The following SRPK2 variants were observed in gnomAD, a reference collection of about 807,000 sequenced individuals.
SRPK2 encodes SRSF protein kinase 2, also known as SFRS protein kinase 2.
Under a neutral mutation model 90.8 loss-of-function variants are expected in SRPK2, and 21 were observed. The observed-to-expected ratio is 0.23, with a 90% CI of 0.16 to 0.33. SRPK2 has a LOEUF of 0.33. SRPK2 is among the 10% of genes least tolerant of loss of function. SRPK2 has a pLI of 1.00. For synonymous variants in SRPK2, 288 were observed against 311.1 expected (o/e 0.93, Z 0.78); for missense variants, 620 against 869.0 (o/e 0.71, Z 3.60).
chr7:105,124,030 T>C (rs1392132490), intron 15 of SRPK2, among the ~76,000 whole-genome samples: 1 of 152,228 alleles, frequency 6.6e-6, no homozygotes, highest in African/African-American at 2.4e-5. Flanking sequence ...ATGATGGCAG[T>C]AACCTGGAGA....
intron 2 of SRPK2, among the ~76,000 whole-genome samples, chr7:105,228,424 C>G (rs1162159482): frequency 6.6e-6 from 1 of 152,184 alleles, no homozygotes; most frequent in African/African-American, 2.4e-5. Context: ...ATTCCAATTT[C>G]TGGATACTAA....
intron 3 of SRPK2, among the ~76,000 whole-genome samples, chr7:105,194,656 T>C (rs150284105): frequency 9.2e-4 from 140 of 152,332 alleles, no homozygotes; most frequent in African/African-American, 3.2e-3. Context: ...TTCAATATTA[T>C]TAAGGCGTAT....
intron 2 of SRPK2, among the ~76,000 whole-genome samples, chr7:105,274,033 T>C (rs1323908889): frequency 6.6e-6 from 1 of 152,230 alleles, no homozygotes; most frequent in African/African-American, 2.4e-5. Flanking sequence ...ATTCTTCATC[T>C]TCTCCAGAAG....
intron 2 of SRPK2, among the ~76,000 whole-genome samples, chr7:105,286,350 T>G (rs1354938750): frequency 6.6e-6 from 1 of 152,232 alleles, no homozygotes; most frequent in Non-Finnish European, 1.5e-5. Flanking sequence ...TCTGCTAATC[T>G]TAAAACAATT....
rs923491292 is a variant in SRPK2 at position 105,121,700 on chromosome 7, T to C, written c.1916-3678A>G. ...ACAGGAAGCAGGCTCTGAGGAAGGG[T>C]TCCTCCTGCAGAGTAAAGGCTTTGT... On this transcript the variant is annotated intron_variant, in intron 15 of 15. Transcript: ENST00000393651. Among the ~76,000 whole-genome samples, 9 of 152,140 alleles carry C rather than the reference T, an allele frequency of 5.9e-5. No homozygotes were observed. The South Asian group carries it at 1.9e-3, about 32-fold the overall frequency.
intron 2 of SRPK2, among the ~76,000 whole-genome samples, chr7:105,209,018 T>A (rs1386603148): frequency 6.6e-6 from 1 of 152,076 alleles, no homozygotes; most frequent in Non-Finnish European, 1.5e-5. Context: ...TATAGATATT[T>A]TAAATATCCA....
chr7:105,209,650 G>C (rs371362782), intron 2 of SRPK2, among the ~76,000 whole-genome samples: 1 of 150,876 alleles, frequency 6.6e-6, no homozygotes, highest in African/African-American at 2.4e-5. Flanking sequence ...GGACAATGGA[G>C]AAAGGGGAAA....
At chr7:105,239,880 T>G (rs554075389) in intron 2 of SRPK2, among the ~76,000 whole-genome samples, 2 of 152,194 alleles carry the variant, frequency 1.3e-5, no homozygotes, top group Non-Finnish European at 2.9e-5. Context: ...AGAAACTACT[T>G]ACCTACAGGC....
intron 7 of SRPK2, 183 bp downstream of exon 7, chr7:105,160,324 C>A: frequency 2.6e-6 from 1 of 391,298 alleles, no homozygotes; most frequent in Non-Finnish European, 4.6e-6. Context: ...CACAAAATAT[C>A]ATTAAATACT....
chr7:105,299,888 C>T (rs1810317529), intron 2 of SRPK2, among the ~76,000 whole-genome samples: 1 of 150,956 alleles, frequency 6.6e-6, no homozygotes, highest in Admixed American at 6.6e-5. Context: ...AGAGAGACTC[C>T]ATCTCAAAAA....
intron 2 of SRPK2, among the ~76,000 whole-genome samples, chr7:105,242,758 C>T (rs1800986001): frequency 6.6e-6 from 1 of 152,154 alleles, no homozygotes; most frequent in Admixed American, 6.5e-5. Context: ...GGGGCCCAGA[C>T]TGATCCAAAA....
intron 2 of SRPK2, among the ~76,000 whole-genome samples, chr7:105,235,564 T>C (rs1475933603): frequency 1.3e-5 from 2 of 152,228 alleles, no homozygotes; most frequent in Non-Finnish European, 2.9e-5. Flanking sequence ...TTCTCGTTCA[T>C]GTCAGTTAGC....
At chr7:105,360,374 A>G (rs1399862289) in intron 2 of SRPK2, among the ~76,000 whole-genome samples, 1 of 152,128 alleles carries the variant, frequency 6.6e-6, no homozygotes, top group Non-Finnish European at 1.5e-5. Flanking sequence ...CATTTAGCCC[A>G]TTTACATTTA....
At chr7:105,125,024 G>A (rs1450781385) in intron 15 of SRPK2, among the ~76,000 whole-genome samples, 2 of 151,534 alleles carry the variant, frequency 1.3e-5, no homozygotes, top group East Asian at 3.9e-4. Flanking sequence ...CAGCTACATG[G>A]GAGGCTGCGG....
intron 2 of SRPK2, among the ~76,000 whole-genome samples, chr7:105,271,756 CT>C (rs949658595): frequency 6.6e-6 from 1 of 152,224 alleles, no homozygotes; most frequent in Non-Finnish European, 1.5e-5. Flanking sequence ...AGGACACTTT[CT>C]TACACACACC....
intron 3 of SRPK2, among the ~76,000 whole-genome samples, chr7:105,184,313 A>G (rs1353571326): frequency 1.3e-5 from 2 of 152,102 alleles, no homozygotes; most frequent in Non-Finnish European, 2.9e-5. Context: ...TCTTACATAC[A>G]TAATGCCAGA....
At chr7:105,233,116 GA>G (rs1264133793) in intron 2 of SRPK2, among the ~76,000 whole-genome samples, 1 of 145,578 alleles carries the variant, frequency 6.9e-6, no homozygotes. Flanking sequence ...AGGAAGGAAG[GA>G]AGGAAGGAAG....
chr7:105,301,259 C>T (rs1282218627), intron 2 of SRPK2, among the ~76,000 whole-genome samples: 5 of 145,470 alleles, frequency 3.4e-5, no homozygotes, highest in Non-Finnish European at 6.0e-5. Context: ...CTGGCTAACA[C>T]GTGAAACCCC....
In SRPK2 at chr7:105,142,483, A is replaced by G; in HGVS notation, c.1068T>C (p.Ala356=). The G allele has an allele frequency of 6.2e-7, 1 of 1,605,594 alleles. No individual in the cohort carries two copies. Among genetic ancestry groups the G allele is most frequent in the African/African-American group, 1.3e-5 (1 of 74,416 alleles). Residue 356 remains alanine (A), a synonymous_variant, in exon 11 of 16, where the codon GCT becomes GCC. Coordinates refer to ENST00000393651, the MANE Select transcript of SRPK2 (RefSeq NM_182692.3). The part of the protein sequence containing the change: ...EAETAKDNGE[A]EDQEEKEDAE... ...CATCTTCTTTCTCTTCCTGGTCCTC[A>G]GCTTCACCTTAAGAATTTGATGGGT...
Sources: allele counts gnomAD v4.1 joint callset (sites outside exome capture counted in the v4.1 genomes callset), GRCh38; gene constraint gnomAD v4.1.1; transcripts MANE v1.5; gene names NCBI Gene and HGNC (gene_info 2026-07-23, HGNC 2026-07-21).